PLEKHG3: variants seen among roughly 807,000 people sequenced by gnomAD.
PLEKHG3 encodes the protein pleckstrin homology and RhoGEF domain containing G3, also known as pleckstrin homology domain-containing family G member 3.
In PLEKHG3, 62 loss-of-function variants were observed where a neutral mutation model predicts 94.9. The observed-to-expected ratio is 0.65, with a 90% CI of 0.53 to 0.81. The LOEUF (loss-of-function observed/expected upper bound fraction) is 0.81. PLEKHG3 is among the 30% of genes least tolerant of loss of function. The pLI is 0.00. For missense variants in PLEKHG3, 1,461 were observed against 1,619.3 expected (o/e 0.90, Z 1.68); for synonymous variants, 614 against 654.0 (o/e 0.94, Z 0.93).
Position 64,720,385 on chromosome 14 carries a change from C to T in PLEKHG3, c.-39-7208C>T, listed in dbSNP as rs1246000804. On this transcript the variant is annotated intron_variant, in intron 1 of 16. Transcript: ENST00000247226. This position sits in a 1 kb window ranked among gnomAD's most constrained non-coding sequence, Gnocchi z 4.1. ...GCTGGCAGTGACTAATGTGGAGACT[C>T]ATTAGGCTAGGAGGAACTGGCTTTG... Among the ~76,000 whole-genome samples, 1 of 152,222 alleles carries T rather than the reference C, an allele frequency of 6.6e-6. No individual in the cohort carries two copies. The highest frequency in any genetic ancestry group is 1.5e-5 in the Non-Finnish European group (1 of 68,040).
At position 64,731,236 on chromosome 14, in the gene PLEKHG3, G is replaced by A; in HGVS notation, c.849+67G>A. On this transcript the variant is annotated intron_variant, in intron 7 of 16. Transcript: ENST00000247226. This position sits in a 1 kb window ranked among gnomAD's most constrained non-coding sequence, Gnocchi z 6.1. The stretch of plus-strand genomic sequence containing the variant: ...TGGGCCAGGCTTCCGCTGGGAAGAG[G>A]GACTGTGGCCACCCTGCTGGGATGA... 6.6e-7 allele frequency: 1 copy of A among 1,505,094 alleles called. No individual in the cohort carries two copies. Among genetic ancestry groups the A allele is most frequent in the South Asian group, 1.2e-5 (1 of 84,828 alleles). The allele number at this position is 1,505,094 out of a possible 1,614,324, so 93.2% of individuals were successfully genotyped here.
chr14:64,734,756 T>G (rs1404513067), intron 12 of PLEKHG3, among the ~76,000 whole-genome samples: 1 of 142,688 alleles, frequency 7.0e-6, no homozygotes, highest in Non-Finnish European at 1.5e-5. Flanking sequence ...CTTCCTTGTC[T>G]GTCACCCAGG....
Position 64,750,020 on chromosome 14 carries a change from G to A in PLEKHG3, c.*6317G>A, listed in dbSNP as rs1555364743. On this transcript the variant is annotated 3_prime_UTR_variant, in exon 17 of 17. Transcript: ENST00000247226. The stretch of plus-strand genomic sequence containing the variant: ...GTGCTTCTTCTTCTTGTAGTTGGCA[G>A]CAATCTCACAGATGGCATGTCTCAG... 1 of 1,614,238 alleles carries A rather than the reference G, an allele frequency of 6.2e-7. No homozygotes were observed. The highest frequency in any genetic ancestry group is 1.3e-5 in the African/African-American group (1 of 75,064).
At position 64,749,607 on chromosome 14, in the gene PLEKHG3, A is replaced by C. The variant is rs756929386; in HGVS notation, c.*5904A>C. On this transcript the variant is annotated 3_prime_UTR_variant, in exon 17 of 17. Transcript: ENST00000247226. The surrounding 1 kb of genome is among the most constrained non-coding windows in gnomAD (Gnocchi z 4.7). ...CAGGGCAAGCGGCCTGGGGTCCTCC[A>C]CCTACCCCCTTCTTAGCCAGGTCTG... The C allele has an allele frequency of 1.9e-5, 30 of 1,611,938 alleles. No homozygotes were observed. The highest frequency in any genetic ancestry group is 2.5e-5 in the Non-Finnish European group (29 of 1,179,684).
In PLEKHG3 at chr14:64,741,087, G is replaced by C. The variant is rs2081677562; in HGVS notation, c.1570G>C (p.Glu524Gln). ...TGAGCAAGAGGTATTTTCTGCTGTGGAAGGGCCCAGTGCCGAGGAGACGCC... is the reference window on the plus strand; with the variant it reads ...TGAGCAAGAGGTATTTTCTGCTGTGCAAGGGCCCAGTGCCGAGGAGACGCC... Reference protein sequence around the residue: ...GSEQEVFSAVEGPSAEETPSD... With the variant: ...GSEQEVFSAVQGPSAEETPSD... Residue 524 changes from glutamate (E) to glutamine (Q), a missense_variant, in exon 16 of 17, where the codon GAA becomes CAA. Glu to Gln is a conservative substitution (Grantham distance 29). Transcript: ENST00000247226. The C allele has an allele frequency of 1.2e-6, 2 of 1,610,430 alleles. No homozygotes were observed. The highest frequency in any genetic ancestry group is 2.7e-5 in the African/African-American group (2 of 74,820).
chr14:64,709,482 A>G (rs2081032487), intron 1 of PLEKHG3, among the ~76,000 whole-genome samples: 2 of 152,160 alleles, frequency 1.3e-5, no homozygotes, highest in Non-Finnish European at 2.9e-5. Context: ...CTTGGGCTGA[A>G]CACAACCCAA....
At chr14:64,733,449 T>C (rs989230023) in intron 12 of PLEKHG3, among the ~76,000 whole-genome samples, 2 of 152,176 alleles carry the variant, frequency 1.3e-5, no homozygotes, top group Non-Finnish European at 2.9e-5. Flanking sequence ...ATTATAGGTG[T>C]GAGCCACTGT....
At position 64,720,349 on chromosome 14, in the gene PLEKHG3, AT is replaced by A. The variant is rs1566697009; in HGVS notation, c.-39-7243del. On this transcript the variant is annotated intron_variant, in intron 1 of 16. Coordinates refer to ENST00000247226, the MANE Select transcript of PLEKHG3 (RefSeq NM_001308147.2). This position sits in a 1 kb window ranked among gnomAD's most constrained non-coding sequence, Gnocchi z 4.1. ...CATCAATCCTGGCGCTTCTTGGTTG[AT>A]CGGAAACTTGCTGGCAGTGACTAAT... Among the ~76,000 whole-genome samples, 1 of 152,146 alleles carries A rather than the reference AT, an allele frequency of 6.6e-6. No homozygotes were observed. The highest frequency in any genetic ancestry group is 2.4e-5 in the African/African-American group (1 of 41,424).
In PLEKHG3 at chr14:64,738,057, G is replaced by T. The variant is rs757169696; in HGVS notation, c.1404+682G>T. On this transcript the variant is annotated intron_variant, in intron 14 of 16. Transcript: ENST00000247226. The surrounding 1 kb of genome is among the most constrained non-coding windows in gnomAD (Gnocchi z 4.8). Reference sequence around the variant, plus strand: ...GGACCTGACAGGGCATGAAGGCAACGAGAAGGGGGCTGGGCCGGAGCCCCC... The same window carrying T: ...GGACCTGACAGGGCATGAAGGCAACTAGAAGGGGGCTGGGCCGGAGCCCCC... 2 of 1,297,990 alleles carry T rather than the reference G, an allele frequency of 1.5e-6. No individual in the cohort carries two copies. Among genetic ancestry groups the T allele is most frequent in the Non-Finnish European group, 2.0e-6 (2 of 994,004 alleles). The allele number at this position is 1,297,990 out of a possible 1,614,324, so 80.4% of individuals were successfully genotyped here.
chr14:64,715,033 TA>T lies in PLEKHG3; in HGVS notation c.-40+10330del, dbSNP rs1406120591. ...CTCACTGAGACCCCGTGCAGGTTGG[TA>T]CCCCCACTGCAAGAGTGTGTGGGTG... On this transcript the variant is annotated intron_variant, in intron 1 of 16. Transcript: ENST00000247226. This position sits in a 1 kb window ranked among gnomAD's most constrained non-coding sequence, Gnocchi z 4.4. Among the ~76,000 whole-genome samples the T allele has an allele frequency of 6.6e-6, 1 of 152,158 alleles. No homozygotes were observed. Among genetic ancestry groups the T allele is most frequent in the Non-Finnish European group, 1.5e-5 (1 of 68,024 alleles).
At chr14:64,711,754 A>G (rs544298283) in intron 1 of PLEKHG3, among the ~76,000 whole-genome samples, 4 of 152,284 alleles carry the variant, frequency 2.6e-5, no homozygotes, top group South Asian at 2.1e-4. Context: ...ATTGTCAAGT[A>G]TACGATTTAC....
rs1453222342 is a variant in PLEKHG3, at chr14:64,730,478, T to G, written c.520-164T>G. ...GTGTTCTGAGGGGAGCCAGGGCTGC[T>G]GGGTGGATGGGATGTCCTTGACAAA... On this transcript the variant is annotated intron_variant, in intron 4 of 16. Coordinates refer to ENST00000247226, the MANE Select transcript of PLEKHG3 (RefSeq NM_001308147.2). This position sits in a 1 kb window ranked among gnomAD's most constrained non-coding sequence, Gnocchi z 5.4. Among the ~76,000 whole-genome samples, 1 of 152,152 alleles carries G rather than the reference T, an allele frequency of 6.6e-6. No individual in the cohort carries two copies. Among genetic ancestry groups the G allele is most frequent in the African/African-American group, 2.4e-5 (1 of 41,438 alleles).
chr14:64,749,271 C>T lies in PLEKHG3; in HGVS notation c.*5568C>T, dbSNP rs768011952. Reference sequence around the variant, plus strand: ...AGGCCTGGGCTGCCCGGTCTCTGCGCGTCCCGACTCCGCCGCGCCCGCCAG... The same window carrying T: ...AGGCCTGGGCTGCCCGGTCTCTGCGTGTCCCGACTCCGCCGCGCCCGCCAG... On this transcript the variant is annotated 3_prime_UTR_variant, in exon 17 of 17. Coordinates refer to ENST00000247226, the MANE Select transcript of PLEKHG3 (RefSeq NM_001308147.2). The surrounding 1 kb of genome is among the most constrained non-coding windows in gnomAD (Gnocchi z 4.7). 2.7e-5 allele frequency: 41 copies of T among 1,546,756 alleles called. No homozygotes were observed. The highest frequency in any genetic ancestry group is 2.2e-4 in the East Asian group (9 of 41,368).
rs2081306675 is a variant in PLEKHG3, at chr14:64,723,869, A to T, written c.-39-3724A>T. 6.6e-6 allele frequency: 1 copy of T among 152,258 alleles called. No homozygotes were observed. The highest frequency in any genetic ancestry group is 1.9e-4 in the East Asian group (1 of 5,202). The allele number at this position is 152,258 out of a possible 1,614,324, so 9.4% of individuals were successfully genotyped here. A position where few individuals can be genotyped will look rare whatever the true frequency, so the allele number is the denominator to read the frequency against. ...TGACTGGATTGATTCATGTTGCAAGATGGAAGAGGTCATGGCTGGGGCATA... is the reference window on the plus strand; with the variant it reads ...TGACTGGATTGATTCATGTTGCAAGTTGGAAGAGGTCATGGCTGGGGCATA... On this transcript the variant is annotated intron_variant, in intron 1 of 16. Coordinates refer to ENST00000247226, the MANE Select transcript of PLEKHG3 (RefSeq NM_001308147.2). This position sits in a 1 kb window ranked among gnomAD's most constrained non-coding sequence, Gnocchi z 4.5.
At chr14:64,708,249 C>T (rs1191445050) in intron 1 of PLEKHG3, among the ~76,000 whole-genome samples, 1 of 152,192 alleles carries the variant, frequency 6.6e-6, no homozygotes, top group Non-Finnish European at 1.5e-5. Context: ...CCTGACCACC[C>T]CCCTCTTGCT....
At position 64,738,184 on chromosome 14, in the gene PLEKHG3, A is replaced by G. The variant is rs761803864; in HGVS notation, c.1405-558A>G. On this transcript the variant is annotated intron_variant, in intron 14 of 16. Coordinates refer to ENST00000247226, the MANE Select transcript of PLEKHG3 (RefSeq NM_001308147.2). The surrounding 1 kb of genome is among the most constrained non-coding windows in gnomAD (Gnocchi z 4.8). ...CTGCTGGCCGCCCTCCACTGCTGGC[A>G]CTATCGGGCCAACGCTTTACTTTTC... is the stretch of plus-strand genomic sequence containing the variant. 2.3e-6 allele frequency: 3 copies of G among 1,290,770 alleles called. No homozygotes were observed. Among genetic ancestry groups the G allele is most frequent in the Admixed American group, 4.6e-5 (2 of 43,710 alleles). 80.0% of individuals were successfully genotyped at this position (1,290,770 alleles called of 1,614,324 possible). A position where few individuals can be genotyped will look rare whatever the true frequency, so the allele number is the denominator to read the frequency against.
Position 64,731,260 on chromosome 14 carries a change from G to A in PLEKHG3, c.849+91G>A. ...GGGACTGTGGCCACCCTGCTGGGAT[G>A]AGCTGGGCAGTGGCATTGGGGGAGC... On this transcript the variant is annotated intron_variant, in intron 7 of 16. Transcript: ENST00000247226. This position sits in a 1 kb window ranked among gnomAD's most constrained non-coding sequence, Gnocchi z 6.1. 1 of 1,454,908 alleles carries A rather than the reference G, an allele frequency of 6.9e-7. No homozygotes were observed. The highest frequency in any genetic ancestry group is 1.2e-5 in the South Asian group (1 of 84,206). The allele number at this position is 1,454,908 out of a possible 1,614,324, so 90.1% of individuals were successfully genotyped here. A position where few individuals can be genotyped will look rare whatever the true frequency, so the allele number is the denominator to read the frequency against.
In PLEKHG3 at chr14:64,742,205, G is replaced by A; in HGVS notation, c.2688G>A (p.Gln896=). 1 of 1,612,964 alleles carries A rather than the reference G, an allele frequency of 6.2e-7. No homozygotes were observed. Among genetic ancestry groups the A allele is most frequent in the South Asian group, 1.1e-5 (1 of 91,088 alleles). Residue 896 remains glutamine (Q), a synonymous_variant, in exon 16 of 17, where the codon CAG becomes CAA. Transcript: ENST00000247226. The part of the protein sequence containing the change: ...ELVKELSSST[Q]GELVAPLHPR... ...TGAAGGAGCTGAGCAGCAGTACCCAGGGGGAGCTGGTGGCCCCACTGCACC... is the reference window on the plus strand; with the variant it reads ...TGAAGGAGCTGAGCAGCAGTACCCAAGGGGAGCTGGTGGCCCCACTGCACC...
chr14:64,740,540 C>T (rs977803812), intron 15 of PLEKHG3, among the ~76,000 whole-genome samples: 1 of 152,212 alleles, frequency 6.6e-6, no homozygotes, highest in African/African-American at 2.4e-5. Flanking sequence ...GAGGCCCTGT[C>T]CCCTGAGGAA....
Sources: gnomAD v4.1 joint callset for allele counts (sites outside exome capture counted in the v4.1 genomes callset) on GRCh38, gnomAD v4.1.1 for gene constraint, Gnocchi (gnomAD v3.1) non-coding constraint, MANE v1.5 for transcripts, NCBI Gene and HGNC (gene_info 2026-07-23, HGNC 2026-07-21) for gene names.